The following CD96 variants were observed in gnomAD, a reference collection of about 807,000 sequenced individuals.
CD96 encodes T-cell surface protein tactile.
A neutral mutation model predicts 71.3 loss-of-function variants in CD96; 70 were observed. The ratio of observed to expected loss-of-function variants is 0.98; its 90% CI spans 0.81 to 1.20. CD96 has a LOEUF of 1.20. Among genes scored for constraint, CD96 ranks in the 50% most tolerant of loss-of-function variants. The pLI, the probability that CD96 is intolerant of heterozygous loss-of-function variation, is 0.00. For synonymous variants in CD96, 248 were observed against 233.0 expected (o/e 1.06, Z -0.59); for missense variants, 742 against 677.5 (o/e 1.10, Z -1.06).
At position 111,650,001 on chromosome 3, in the gene CD96, G is replaced by A. The variant is rs187968391; in HGVS notation, c.*195G>A. 2.9e-5 allele frequency: 18 copies of A among 623,896 alleles called. No homozygotes were observed. In the Admixed American group the frequency reaches 3.6e-4, roughly 13 times the overall value. The allele number at this position is 623,896 out of a possible 1,614,324, so 38.6% of individuals were successfully genotyped here. On this transcript the variant is annotated 3_prime_UTR_variant, in exon 14 of 14. Transcript: ENST00000352690. ...ACGCCTGAAGCTTAACCAAGAGTGAGAGGATATGTCATGTTCACACTCAAT... is the reference window on the plus strand; with the variant it reads ...ACGCCTGAAGCTTAACCAAGAGTGAAAGGATATGTCATGTTCACACTCAAT...
intron 2 of CD96, among the ~76,000 whole-genome samples, chr3:111,565,827 A>G (rs1935681867): frequency 6.6e-6 from 1 of 151,834 alleles, no homozygotes; most frequent in Admixed American, 6.6e-5. Context: ...CTATTTGGAA[A>G]TGCTGTGGGG....
intron 7 of CD96, among the ~76,000 whole-genome samples, chr3:111,604,006 A>C (rs1937557076): frequency 6.6e-6 from 1 of 152,222 alleles, no homozygotes; most frequent in African/African-American, 2.4e-5. Context: ...TGATTAAGTA[A>C]ATCTAGGTGG....
intron 2 of CD96, among the ~76,000 whole-genome samples, chr3:111,555,859 C>G (rs1348866627): frequency 1.3e-5 from 2 of 152,308 alleles, no homozygotes. Flanking sequence ...GATCCATCCC[C>G]TTACTCTTTC....
At chr3:111,610,299 A>G (rs1937852112) in intron 8 of CD96, among the ~76,000 whole-genome samples, 1 of 152,242 alleles carries the variant, frequency 6.6e-6, no homozygotes. Flanking sequence ...GTAATTGTGA[A>G]ATCACACGAT....
At chr3:111,546,573 T>C (rs1324477870) in intron 2 of CD96, among the ~76,000 whole-genome samples, 1 of 152,118 alleles carries the variant, frequency 6.6e-6, no homozygotes, top group Non-Finnish European at 1.5e-5. Flanking sequence ...CTAAAGTAAA[T>C]GATTTTCATT....
chr3:111,622,155 T>C (rs975343235), intron 8 of CD96, among the ~76,000 whole-genome samples: 1 of 152,152 alleles, frequency 6.6e-6, no homozygotes, highest in Admixed American at 6.5e-5. Context: ...CCTTTTCTAG[T>C]GCAACACTTT....
intron 5 of CD96, among the ~76,000 whole-genome samples, chr3:111,587,095 T>C (rs1246649253): frequency 6.6e-6 from 1 of 151,624 alleles, no homozygotes; most frequent in Non-Finnish European, 1.5e-5. Context: ...ATGGAAGACA[T>C]TGGCCAAAAC....
rs2107649451 is a variant in CD96 at position 111,600,732 on chromosome 3, A to G, written c.905A>G (p.Tyr302Cys). The G allele has an allele frequency of 1.2e-6, 2 of 1,608,480 alleles. No individual in the cohort carries two copies. The highest frequency in any genetic ancestry group is 1.3e-5 in the African/African-American group (1 of 74,940). The change falls in exon 7 of 14, where the codon TAT (tyrosine) becomes TGT (cysteine). Residue 302 changes from tyrosine (Y) to cysteine (C), a missense_variant. Transcript: ENST00000352690. ...GTTCGTATCTGTCTGGCAGGAATAT[A>G]TATTACTAATGAAGAGAGAAAAGGC... ...SFLHDEKEGI[Y>C]ITNEERKGKD...
At chr3:111,561,999 G>T (rs1444068746) in intron 2 of CD96, among the ~76,000 whole-genome samples, 1 of 152,028 alleles carries the variant, frequency 6.6e-6, no homozygotes, top group African/African-American at 2.4e-5. Context: ...CCCTTTCTTT[G>T]ACTCGGAAAG....
intron 14 of CD96, among the ~76,000 whole-genome samples, chr3:111,661,347 G>A (rs1252076094): frequency 6.6e-6 from 1 of 151,998 alleles, no homozygotes; most frequent in Non-Finnish European, 1.5e-5. Context: ...ATTCCACTCG[G>A]GTCCTTCCCA....
chr3:111,657,500 G>C (rs1024474127), intron 14 of CD96, among the ~76,000 whole-genome samples: 1 of 150,960 alleles, frequency 6.6e-6, no homozygotes, highest in African/African-American at 2.4e-5. Flanking sequence ...GTGTAGGGTG[G>C]GGTGGGGGTG....
intron 10 of CD96, among the ~76,000 whole-genome samples, chr3:111,631,206 TA>T (rs769117111): frequency 9.2e-5 from 14 of 152,322 alleles, no homozygotes; most frequent in South Asian, 4.1e-4. Flanking sequence ...GAAGTTGAAC[TA>T]TCTTTGTTTG....
intron 5 of CD96, among the ~76,000 whole-genome samples, chr3:111,591,215 A>T (rs1047071585): frequency 6.6e-6 from 1 of 152,126 alleles, no homozygotes; most frequent in East Asian, 1.9e-4. Flanking sequence ...TGTGCTAAAA[A>T]TACAAAAATT....
intron 3 of CD96, chr3:111,577,393 T>A: frequency 1.2e-6 from 1 of 810,358 alleles, no homozygotes; most frequent in Non-Finnish European, 2.2e-6. Flanking sequence ...CTGAGTGACA[T>A]GCTCTCCACT....
chr3:111,658,312 A>C (rs746078432), intron 14 of CD96, among the ~76,000 whole-genome samples: 1 of 152,192 alleles, frequency 6.6e-6, no homozygotes, highest in Non-Finnish European at 1.5e-5. Flanking sequence ...AGTCCTTACC[A>C]GTAGTAAGTG....
At chr3:111,571,051 C>T in intron 3 of CD96, 3 of 1,136,388 alleles carry the variant, frequency 2.6e-6, no homozygotes, top group South Asian at 1.2e-5. Flanking sequence ...GGAGGTCCCT[C>T]CAGGCTGTGG....
chr3:111,613,059 C>T (rs866169244), intron 8 of CD96, among the ~76,000 whole-genome samples: 7 of 152,302 alleles, frequency 4.6e-5, no homozygotes, highest in Middle Eastern at 3.4e-3. Context: ...CCACCTGGGG[C>T]ACACAACATT....
Position 111,620,783 on chromosome 3 carries a change from G to A in CD96, c.1181-2971G>A, listed in dbSNP as rs549552456. ...AAGCAACATAGATGTCTAAGTTGGG[G>A]CAGAGACATAGTCACACAAGGATTA... On this transcript the variant is annotated intron_variant, in intron 8 of 13. Transcript: ENST00000352690. Among the ~76,000 whole-genome samples the A allele has an allele frequency of 5.3e-5, 8 of 152,276 alleles. No homozygotes were observed. The South Asian group carries it at 1.7e-3, about 32-fold the overall frequency.
intron 12 of CD96, among the ~76,000 whole-genome samples, chr3:111,641,014 C>A (rs1278887633): frequency 6.6e-6 from 1 of 152,288 alleles, no homozygotes; most frequent in African/African-American, 2.4e-5. Flanking sequence ...CCTGGAAACA[C>A]ATCAAAATGA....
Sources: allele counts gnomAD v4.1 joint callset (sites outside exome capture counted in the v4.1 genomes callset), GRCh38; gene constraint gnomAD v4.1.1; transcripts MANE v1.5; gene names NCBI Gene and HGNC (gene_info 2026-07-23, HGNC 2026-07-21).